MYOM3: variants seen among roughly 807,000 people sequenced by gnomAD.
MYOM3 encodes the protein myomesin 3, also known as myomesin-3.
MYOM3 carries 155 observed loss-of-function variants against 191.7 expected under a neutral mutation model. The observed-to-expected ratio is 0.81, with a 90% CI of 0.71 to 0.92. MYOM3 has a LOEUF of 0.92. Among genes scored for constraint, MYOM3 ranks in the 40% least tolerant of loss-of-function variants. The pLI, the probability that MYOM3 is intolerant of heterozygous loss-of-function variation, is 0.00. For missense variants in MYOM3, 1,889 were observed against 1,890.6 expected, an observed-to-expected ratio of 1.00 and a Z score of 0.02; for synonymous variants, 757 against 762.9, an observed-to-expected ratio of 0.99 and a Z score of 0.13.
rs199515186 is a variant in MYOM3 at position 24,090,951 on chromosome 1, G to A, written c.1278C>T (p.Pro426=). 3.7e-5 allele frequency: 59 copies of A among 1,613,824 alleles called. No homozygotes were observed. The highest frequency in any genetic ancestry group is 1.6e-4 in the Middle Eastern group (1 of 6,084). The part of the protein sequence containing the change: ...SGEWIACHEA[P]GGTCRCPIQG... The stretch of plus-strand genomic sequence containing the variant: ...GGATTGGGCACCGACAAGTCCCTCC[G>A]GGGGCCTCATGGCAGGCGATCCATT... The change falls in exon 12 of 37, where the codon CCC becomes CCT. Residue 426 remains proline (P), a synonymous_variant. Transcript: ENST00000374434.
intron 22 of MYOM3, 132 bp downstream of exon 22, chr1:24,075,187 G>T: frequency 2.3e-6 from 2 of 860,230 alleles, no homozygotes; most frequent in Non-Finnish European, 3.7e-6. Context: ...CGTCCTCAGT[G>T]AAAGACTGAG....
chr1:24,066,899 G>T, intron 28 of MYOM3, 122 bp downstream of exon 28: 1 of 879,826 alleles, frequency 1.1e-6, no homozygotes, highest in Non-Finnish European at 1.7e-6. Flanking sequence ...CTGTGTGTGC[G>T]ATCAGCCAAG....
rs767154805 is a variant in MYOM3 at position 24,064,147 on chromosome 1, C to A, written c.3547G>T (p.Asp1183Tyr). 1.9e-6 allele frequency: 3 copies of A among 1,613,754 alleles called. No homozygotes were observed. The highest frequency in any genetic ancestry group is 2.2e-5 in the South Asian group (2 of 91,070). ...ACCATCGCTCTGTAAATTCCCTTGT[C>A]CTTTTTGGACAACTGGAAAGAAGGA... ...LLCIEELSKK[D>Y]KGIYRAMVSD... The change falls in exon 30 of 37, where the codon GAC (aspartate) becomes TAC (tyrosine). Residue 1183 changes from aspartate (D) to tyrosine (Y), a missense_variant. Coordinates refer to ENST00000374434, the MANE Select transcript of MYOM3 (RefSeq NM_152372.4).
At chr1:24,091,062 T>G in intron 11 of MYOM3, 66 bp from the exon 12 acceptor site, 2 of 1,543,772 alleles carry the variant, frequency 1.3e-6, no homozygotes, top group Admixed American at 1.7e-5. Flanking sequence ...TGTGAGCCTC[T>G]ACAAGGGCCT....
rs535119695 is a variant in MYOM3, at chr1:24,063,118, G to A, written c.3770+8C>T. On this transcript the variant is annotated splice_region_variant and intron_variant, in intron 32 of 36. Coordinates refer to ENST00000374434, the MANE Select transcript of MYOM3 (RefSeq NM_152372.4). This position sits in a 1 kb window ranked among gnomAD's most constrained non-coding sequence, Gnocchi z 4.5. The stretch of plus-strand genomic sequence containing the variant: ...CCTGGCTGGGGTTCTGGGGCAAGGC[G>A]GACTTACTTGTGGAACCAGGTGGTT... 70 of 1,593,102 alleles carry A rather than the reference G, an allele frequency of 4.4e-5. No individual in the cohort carries two copies. The highest frequency in any genetic ancestry group is 3.6e-4 in the South Asian group (33 of 90,678).
chr1:24,068,859 G>A (rs911642258), intron 25 of MYOM3, among the ~76,000 whole-genome samples: 2 of 152,018 alleles, frequency 1.3e-5, no homozygotes, highest in East Asian at 1.9e-4. Context: ...GAGTAGCTGG[G>A]ATTACAAGCA....
At chr1:24,062,322 A>T (rs145799662) in intron 32 of MYOM3, among the ~76,000 whole-genome samples, 12 of 152,176 alleles carry the variant, frequency 7.9e-5, no homozygotes, top group Non-Finnish European at 1.6e-4. Flanking sequence ...TTCATTCATC[A>T]TTCCTAGAGA....
At position 24,086,690 on chromosome 1, in the gene MYOM3, G is replaced by T. The variant is rs765243510; in HGVS notation, c.1752C>A (p.Ser584Arg). Residue 584 changes from serine to arginine, a missense_variant, in exon 15 of 37, where the codon AGC becomes AGA. By Grantham distance (110) the Ser-to-Arg change is moderately radical. Transcript: ENST00000374434. ...TGGGTTCGCTGGGCTCCGAGGGATC[G>T]CTCAGGCCATACTGGTTCATTGCTC... Reference protein sequence around the residue: ...RVRAMNQYGLSDPSEPSEPIA... With the variant: ...RVRAMNQYGLRDPSEPSEPIA... 2 of 1,613,978 alleles carry T rather than the reference G, an allele frequency of 1.2e-6. No homozygotes were observed. Among genetic ancestry groups the T allele is most frequent in the African/African-American group, 2.7e-5 (2 of 74,910 alleles).
At chr1:24,104,340 G>C (rs537570258) in intron 5 of MYOM3, among the ~76,000 whole-genome samples, 1 of 152,308 alleles carries the variant, frequency 6.6e-6, no homozygotes, top group South Asian at 2.1e-4. Flanking sequence ...GATTCTATGG[G>C]CTGAGGTAGC....
At chr1:24,104,986 T>A (rs956943150) in intron 5 of MYOM3, among the ~76,000 whole-genome samples, 2 of 152,162 alleles carry the variant, frequency 1.3e-5, no homozygotes, top group Non-Finnish European at 2.9e-5. Context: ...AGCTTAGCCA[T>A]GTGAATGACA....
At chr1:24,088,225 T>G (rs1570875302) in intron 14 of MYOM3, among the ~76,000 whole-genome samples, 1 of 152,090 alleles carries the variant, frequency 6.6e-6, no homozygotes, top group Non-Finnish European at 1.5e-5. Context: ...GACCCACTGA[T>G]TCCACGCTCT....
intron 18 of MYOM3, chr1:24,081,687 C>T (rs867410980): frequency 2.3e-5 from 14 of 597,394 alleles, no homozygotes; most frequent in African/African-American, 7.4e-5. Context: ...GTTAGCCTCT[C>T]GAGTAGCCAG....
chr1:24,076,623 C>T (rs1260227646), intron 20 of MYOM3, among the ~76,000 whole-genome samples: 1 of 91,748 alleles, frequency 1.1e-5, no homozygotes, highest in Admixed American at 1.2e-4. Flanking sequence ...ACGCCATTCT[C>T]CTGCCTCAGC....
rs1366698214 is a variant in MYOM3, at chr1:24,106,069, C to G, written c.411G>C (p.Glu137Asp). The G allele has an allele frequency of 6.2e-7, 1 of 1,611,222 alleles. No homozygotes were observed. The highest frequency in any genetic ancestry group is 8.5e-7 in the Non-Finnish European group (1 of 1,179,084). ...TCAGCTCCTTGGCCTCCTGGACCTTCTCCTCTGTCTGGAGGCGGGAAGAGG... is the reference window on the plus strand; with the variant it reads ...TCAGCTCCTTGGCCTCCTGGACCTTGTCCTCTGTCTGGAGGCGGGAAGAGG... ...DWKTLRRRTE[E>D]KVQEAKELRE... Residue 137 changes from glutamate to aspartate, a missense_variant, in exon 5 of 37, where the codon GAG becomes GAC. By Grantham distance (45) the Glu-to-Asp change is conservative. Transcript: ENST00000374434.
chr1:24,068,282 G>T lies in MYOM3; in HGVS notation c.3236C>A (p.Thr1079Asn), dbSNP rs969151430. Reference protein sequence around the residue: ...NLSEEDKGSYTAQLQDGKAKN... With the variant: ...NLSEEDKGSYNAQLQDGKAKN... ...GGCTTTTCCATCTTGGAGTTGAGCG[G>T]TGTACGACCCTTTGTCCTCCTCAGA... Residue 1079 changes from threonine (T) to asparagine (N), a missense_variant, in exon 26 of 37, where the codon ACC becomes AAC. Physicochemically the swap from Thr to Asn is moderately conservative, Grantham distance 65. Coordinates refer to ENST00000374434, the MANE Select transcript of MYOM3 (RefSeq NM_152372.4). 6.2e-7 allele frequency: 1 copy of T among 1,614,046 alleles called. No homozygotes were observed. Among genetic ancestry groups the T allele is most frequent in the Non-Finnish European group, 8.5e-7 (1 of 1,180,028 alleles).
intron 35 of MYOM3, among the ~76,000 whole-genome samples, chr1:24,060,122 A>T (rs147433083): frequency 6.6e-6 from 1 of 152,296 alleles, no homozygotes; most frequent in East Asian, 1.9e-4. Context: ...AGGATGACGC[A>T]TTCCACTATG....
chr1:24,082,395 T>C, intron 17 of MYOM3, 198 bp downstream of exon 17: 1 of 906,556 alleles, frequency 1.1e-6, no homozygotes, highest in Non-Finnish European at 1.6e-6. Context: ...CCAGAGCTGC[T>C]CAGGCCCCAT....
In MYOM3 at chr1:24,067,066, C is replaced by T. The variant is rs1380335911; in HGVS notation, c.3378G>A (p.Leu1126=). The change falls in exon 28 of 37, where the codon TTG becomes TTA. Residue 1126 remains leucine (L), a synonymous_variant. Coordinates refer to ENST00000374434, the MANE Select transcript of MYOM3 (RefSeq NM_152372.4). ...GGCAGTCCTCCGTGACCTTCCACTG[C>T]AACGGCCGCTCAAAATAGGGACCTG... ...RKQGPYFERP[L]QWKVTEDCQV... 4 of 1,579,072 alleles carry T rather than the reference C, an allele frequency of 2.5e-6. No individual in the cohort carries two copies. In the Admixed American group the frequency reaches 5.3e-5, roughly 21 times the overall value.
Position 24,097,978 on chromosome 1 carries a change from C to T in MYOM3, c.690G>A (p.Val230=), listed in dbSNP as rs1643887413. The T allele has an allele frequency of 2.5e-6, 4 of 1,613,954 alleles. No homozygotes were observed. Among genetic ancestry groups the T allele is most frequent in the Non-Finnish European group, 2.5e-6 (3 of 1,179,796 alleles). Residue 230 remains valine, a synonymous_variant, in exon 7 of 37, where the codon GTG becomes GTA. Transcript: ENST00000374434. ...CAIEDSATYT[V]RVKNAHGQAS... ...CCTGGCCGTGGGCGTTCTTCACTCG[C>T]ACAGTGTAAGTTGCTGAGTCCTCAA...
Sources: allele counts gnomAD v4.1 joint callset (sites outside exome capture counted in the v4.1 genomes callset), GRCh38; gene constraint gnomAD v4.1.1; non-coding constraint Gnocchi (gnomAD v3.1); transcripts MANE v1.5; gene names NCBI Gene and HGNC (gene_info 2026-07-23, HGNC 2026-07-21).